The following PTPRD variants were observed in gnomAD, a reference collection of about 807,000 sequenced individuals.
The protein encoded by PTPRD is protein tyrosine phosphatase receptor type D.
PTPRD carries 34 observed loss-of-function variants against 214.5 expected under a neutral mutation model. That is an observed-to-expected ratio of 0.16 (90% CI 0.12 to 0.21). PTPRD has a LOEUF of 0.21. Ranked by LOEUF, PTPRD falls within the 10% of genes least tolerant of loss-of-function variation. The pLI is 1.00. For synonymous variants in PTPRD, 1,128 were observed against 845.7 expected, an observed-to-expected ratio of 1.33 and a Z score of -5.79; for missense variants, 2,545 against 2,398.7, an observed-to-expected ratio of 1.06 and a Z score of -1.27.
At chr9:9,761,509 T>A (rs1290234308) in intron 6 of PTPRD, among the ~76,000 whole-genome samples, 1 of 152,170 alleles carries the variant, frequency 6.6e-6, no homozygotes, top group East Asian at 1.9e-4. Flanking sequence ...TACAAGGTGA[T>A]AGCATTTTAT....
At chr9:10,367,794 C>G (rs1315158882) in intron 2 of PTPRD, among the ~76,000 whole-genome samples, 1 of 151,992 alleles carries the variant, frequency 6.6e-6, no homozygotes, top group Non-Finnish European at 1.5e-5. Flanking sequence ...CAGACAGTAT[C>G]TACTCTAAAT....
intron 8 of PTPRD, among the ~76,000 whole-genome samples, chr9:9,510,674 C>T (rs2096680591): frequency 6.6e-6 from 1 of 151,062 alleles, no homozygotes; most frequent in African/African-American, 2.4e-5. Flanking sequence ...AAAACATTTG[C>T]CATTCCTTTC....
intron 3 of PTPRD, among the ~76,000 whole-genome samples, chr9:10,089,350 C>T (rs2098402173): frequency 6.6e-6 from 1 of 151,298 alleles, no homozygotes; most frequent in Non-Finnish European, 1.5e-5. Context: ...GTTAGTAATG[C>T]AAAAGATCTT....
intron 9 of PTPRD, among the ~76,000 whole-genome samples, chr9:9,236,126 A>T (rs1230201109): frequency 6.6e-6 from 1 of 151,982 alleles, no homozygotes; most frequent in Non-Finnish European, 1.5e-5. Context: ...GTAGCTGGGC[A>T]CCTGTAACCC....
chr9:10,551,660 G>A (rs1384337288), intron 2 of PTPRD, among the ~76,000 whole-genome samples: 1 of 152,032 alleles, frequency 6.6e-6, no homozygotes, highest in East Asian at 1.9e-4. Flanking sequence ...CTCTATTATA[G>A]AATTATAAGA....
chr9:10,301,556 A>C (rs1477019063), intron 3 of PTPRD, among the ~76,000 whole-genome samples: 1 of 152,222 alleles, frequency 6.6e-6, no homozygotes, highest in African/African-American at 2.4e-5. Context: ...TAGAATAACC[A>C]GTATAGAGAA....
At chr9:8,977,000 A>G (rs1016857987) in intron 11 of PTPRD, among the ~76,000 whole-genome samples, 4 of 152,232 alleles carry the variant, frequency 2.6e-5, no homozygotes, top group African/African-American at 9.6e-5. Flanking sequence ...TGCAAAAAAG[A>G]GCCATCCAAA....
At position 8,795,436 on chromosome 9, in the gene PTPRD, G is replaced by T. The variant is rs188239428; in HGVS notation, c.-103-61490C>A. Among the ~76,000 whole-genome samples the T allele has an allele frequency of 4.9e-3, 750 of 152,162 alleles. 9 individuals are homozygous for T. The highest frequency in any genetic ancestry group is 6.5e-3 in the Non-Finnish European group (445 of 68,012). Reference sequence around the variant, plus strand: ...GCCCACCTCAGCCTCCCAAAGTGGTGGGATTACAGGTGTGAGCCACCACAC... The same window carrying T: ...GCCCACCTCAGCCTCCCAAAGTGGTTGGATTACAGGTGTGAGCCACCACAC... On this transcript the variant is annotated intron_variant, in intron 11 of 45. Transcript: ENST00000381196.
At chr9:9,291,505 T>C (rs898081777) in intron 9 of PTPRD, among the ~76,000 whole-genome samples, 1 of 151,446 alleles carries the variant, frequency 6.6e-6, no homozygotes, top group Non-Finnish European at 1.5e-5. Context: ...AGATTTTAAC[T>C]TACCAATAAC....
At chr9:9,765,639 T>G (rs2098700503) in intron 6 of PTPRD, among the ~76,000 whole-genome samples, 2 of 152,286 alleles carry the variant, frequency 1.3e-5, no homozygotes, top group South Asian at 4.1e-4. Context: ...TACCTAATCC[T>G]GAAGCTTACG....
chr9:9,924,115 A>C (rs2083457937), intron 5 of PTPRD, among the ~76,000 whole-genome samples: 1 of 152,088 alleles, frequency 6.6e-6, no homozygotes. Context: ...ATAATCATGT[A>C]AATAGGAAAT....
At chr9:8,662,424 G>T (rs112536989) in intron 12 of PTPRD, among the ~76,000 whole-genome samples, 3,394 of 152,194 alleles carry the variant, frequency 0.022, 111 homozygotes, top group African/African-American at 0.077. Context: ...CTCTGCTGCT[G>T]GTTATGTTCA....
intron 42 of PTPRD, 104 bp from the exon 43 acceptor site, chr9:8,339,151 T>C (rs1410929707): frequency 4.0e-6 from 5 of 1,243,756 alleles, no homozygotes; most frequent in Non-Finnish European, 5.3e-6. Flanking sequence ...ATCCCATTAA[T>C]AAAATTTCAA....
At chr9:8,430,300 C>T (rs2094956127) in intron 35 of PTPRD, among the ~76,000 whole-genome samples, 1 of 151,678 alleles carries the variant, frequency 6.6e-6, no homozygotes, top group Admixed American at 6.6e-5. Flanking sequence ...GACAGGGTCT[C>T]CCTCTGTCAC....
intron 3 of PTPRD, among the ~76,000 whole-genome samples, chr9:10,245,277 A>C (rs1445614080): frequency 6.6e-6 from 1 of 152,172 alleles, no homozygotes; most frequent in Non-Finnish European, 1.5e-5. Context: ...TAATCAACAT[A>C]TATTCCTTTA....
chr9:8,868,189 T>C (rs2154547077), intron 11 of PTPRD, among the ~76,000 whole-genome samples: 1 of 152,194 alleles, frequency 6.6e-6, no homozygotes. Flanking sequence ...CTAGCATCTA[T>C]ATTTTAATTC....
chr9:8,742,894 G>T (rs2092245930), intron 11 of PTPRD, among the ~76,000 whole-genome samples: 1 of 152,124 alleles, frequency 6.6e-6, no homozygotes, highest in Non-Finnish European at 1.5e-5. Flanking sequence ...CTCAGGGAAT[G>T]CCTAGAGACA....
Position 8,622,301 on chromosome 9 carries a change from C to T in PTPRD, c.352+11016G>A, listed in dbSNP as rs749923295. Among the ~76,000 whole-genome samples the T allele has an allele frequency of 3.6e-4, 54 of 152,018 alleles. 1 individual carries two copies. The highest frequency in any genetic ancestry group is 1.3e-3 in the African/African-American group (52 of 41,514). On this transcript the variant is annotated intron_variant, in intron 14 of 45. Transcript: ENST00000381196. ...CAATTTTTCTCTCAGAACATTTTTA[C>T]TCATCAGGACAAAAAGGTGAGCTTA...
intron 14 of PTPRD, among the ~76,000 whole-genome samples, chr9:8,617,465 C>T (rs1206271388): frequency 2.6e-5 from 4 of 152,070 alleles, no homozygotes; most frequent in Non-Finnish European, 5.9e-5. Context: ...TTCCTGATTA[C>T]TAGGCTACAA....
Sources: allele counts gnomAD v4.1 joint callset (sites outside exome capture counted in the v4.1 genomes callset), GRCh38; gene constraint gnomAD v4.1.1; transcripts MANE v1.5; gene names NCBI Gene and HGNC (gene_info 2026-07-23, HGNC 2026-07-21).